The following GTF2IRD1 variants were observed in gnomAD, a reference collection of about 807,000 sequenced individuals.
The protein encoded by GTF2IRD1 is general transcription factor II-I repeat domain-containing protein 1.
A neutral mutation model predicts 113.2 loss-of-function variants in GTF2IRD1; 26 were observed. The observed-to-expected ratio is 0.23, with a 90% CI of 0.17 to 0.32. GTF2IRD1 has a LOEUF of 0.32. Ranked by LOEUF, GTF2IRD1 falls within the 10% of genes least tolerant of loss-of-function variation. The pLI is 1.00. For synonymous variants in GTF2IRD1, 484 were observed against 529.1 expected, an observed-to-expected ratio of 0.91 and a Z score of 1.17; for missense variants, 864 against 1,280.8, an observed-to-expected ratio of 0.67 and a Z score of 4.97.
chr7:74,490,958 G>A lies in GTF2IRD1; in HGVS notation c.-6-17117G>A, dbSNP rs1363141034. ...GGGTACAGCCAGTGAAGGAGCCAGT[G>A]TTAATTTCCTGAAGCTGCTGTAACA... On this transcript the variant is annotated intron_variant, in intron 1 of 26. Coordinates refer to ENST00000424337, the MANE Select transcript of GTF2IRD1 (RefSeq NM_005685.4). Among the ~76,000 whole-genome samples, 10 of 152,096 alleles carry A rather than the reference G, an allele frequency of 6.6e-5. 1 individual carries two copies. The highest frequency in any genetic ancestry group is 1.9e-4 in the African/African-American group (8 of 41,408).
At chr7:74,470,845 C>T (rs1794040922) in intron 1 of GTF2IRD1, among the ~76,000 whole-genome samples, 1 of 152,244 alleles carries the variant, frequency 6.6e-6, no homozygotes. Context: ...GCTCTCTTGC[C>T]CAGGCTGGAG....
chr7:74,528,703 ATGGG>A (rs1216253158), intron 8 of GTF2IRD1, among the ~76,000 whole-genome samples: 1 of 142,540 alleles, frequency 7.0e-6, no homozygotes, highest in African/African-American at 2.6e-5. Context: ...GGAAGGAAAG[ATGGG>A]TGGATGGATG....
intron 22 of GTF2IRD1, among the ~76,000 whole-genome samples, chr7:74,569,929 C>T (rs1300126610): frequency 1.3e-5 from 2 of 152,016 alleles, no homozygotes; most frequent in Non-Finnish European, 2.9e-5. Context: ...CTCTCAGAAG[C>T]GTGGAGCTGG....
intron 6 of GTF2IRD1, among the ~76,000 whole-genome samples, chr7:74,520,894 G>A (rs911131357): frequency 2.1e-5 from 3 of 141,418 alleles, no homozygotes; most frequent in East Asian, 4.2e-4. Context: ...TTATAAGGGG[G>A]AAAAAAGCCC....
At chr7:74,600,161 G>A (rs1026275515) in intron 25 of GTF2IRD1, among the ~76,000 whole-genome samples, 1 of 152,170 alleles carries the variant, frequency 6.6e-6, no homozygotes, top group African/African-American at 2.4e-5. Flanking sequence ...CAGGCACGGT[G>A]GCTCATGCCT....
At chr7:74,557,509 G>A (rs782378068) in intron 19 of GTF2IRD1, 130 bp from the exon 20 acceptor site, 7 of 621,660 alleles carry the variant, frequency 1.1e-5, no homozygotes, top group Non-Finnish European at 2.0e-5. Flanking sequence ...AGGACCTGAG[G>A]GGCCCACTCC....
intron 1 of GTF2IRD1, among the ~76,000 whole-genome samples, chr7:74,493,112 T>TC (rs200855316): frequency 1.3e-4 from 18 of 141,704 alleles, no homozygotes; most frequent in South Asian, 2.2e-4. Flanking sequence ...TTCTTCTTCT[T>TC]TTTTTTTTTT....
chr7:74,489,096 C>T (rs1554336159), intron 1 of GTF2IRD1, among the ~76,000 whole-genome samples: 2 of 148,336 alleles, frequency 1.3e-5, no homozygotes, highest in Admixed American at 6.7e-5. Flanking sequence ...GAGCCAAGAT[C>T]GTGCCACTGC....
chr7:74,561,304 G>A lies in GTF2IRD1; in HGVS notation c.2320+1649G>A, dbSNP rs752118533. Among the ~76,000 whole-genome samples, 87 of 149,000 alleles carry A rather than the reference G, an allele frequency of 5.8e-4. 1 individual carries two copies. Among genetic ancestry groups the A allele is most frequent in the East Asian group, 2.0e-3 (10 of 4,968 alleles). ...GCAGAGGTTGCAGTGAGCCGAGATC[G>A]CGCGACTGCACTCCACCTTGGGCGA... On this transcript the variant is annotated intron_variant, in intron 22 of 26. Transcript: ENST00000424337.
chr7:74,552,345 C>A (rs1554355270), intron 17 of GTF2IRD1, among the ~76,000 whole-genome samples: 3 of 151,904 alleles, frequency 2.0e-5, no homozygotes, highest in African/African-American at 7.3e-5. Context: ...ATGGTGACAC[C>A]CCATTTCTAA....
intron 3 of GTF2IRD1, among the ~76,000 whole-genome samples, chr7:74,514,371 G>C (rs895389976): frequency 2.0e-5 from 3 of 152,114 alleles, no homozygotes; most frequent in African/African-American, 7.2e-5. Context: ...GACTGGGCCG[G>C]GTAGAATGGA....
At chr7:74,564,985 G>T (rs1800206403) in intron 22 of GTF2IRD1, among the ~76,000 whole-genome samples, 1 of 152,006 alleles carries the variant, frequency 6.6e-6, no homozygotes, top group South Asian at 2.1e-4. Context: ...TGGGCCAGGG[G>T]TTTCTGGGGG....
intron 1 of GTF2IRD1, among the ~76,000 whole-genome samples, chr7:74,481,891 G>T (rs112586471): frequency 5.3e-5 from 8 of 152,210 alleles, no homozygotes; most frequent in Non-Finnish European, 8.8e-5. Flanking sequence ...TCACCAAATC[G>T]CTTGGCTGGG....
Position 74,484,906 on chromosome 7 carries a change from G to C in GTF2IRD1, c.-6-23169G>C, listed in dbSNP as rs1794938186. Among the ~76,000 whole-genome samples, 4 of 152,134 alleles carry C rather than the reference G, an allele frequency of 2.6e-5. No homozygotes were observed. The South Asian group carries it at 8.3e-4, about 31-fold the overall frequency. ...AACATGGCTGTACAGATGTGTCTTT[G>C]AGACTATTACTGTTTTATTAACAAC... On this transcript the variant is annotated intron_variant, in intron 1 of 26. Transcript: ENST00000424337.
At chr7:74,485,473 T>G (rs1238944612) in intron 1 of GTF2IRD1, among the ~76,000 whole-genome samples, 1 of 151,904 alleles carries the variant, frequency 6.6e-6, no homozygotes, top group African/African-American at 2.4e-5. Context: ...AAAAATTAGC[T>G]GGGCGTGGTG....
intron 1 of GTF2IRD1, among the ~76,000 whole-genome samples, chr7:74,479,270 A>G (rs1160319156): frequency 9.2e-5 from 14 of 151,942 alleles, no homozygotes; most frequent in Non-Finnish European, 1.2e-4. Context: ...CCTCACCCCA[A>G]TGGCCACGCT....
Position 74,519,781 on chromosome 7 carries a change from A to G in GTF2IRD1, c.916+62A>G, listed in dbSNP as rs2130271751. 4 of 1,242,264 alleles carry G rather than the reference A, an allele frequency of 3.2e-6. No homozygotes were observed. In the South Asian group the frequency reaches 5.8e-5, roughly 18 times the overall value. 77.0% of individuals were successfully genotyped at this position (1,242,264 alleles called of 1,614,324 possible). On this transcript the variant is annotated intron_variant, in intron 6 of 26. Coordinates refer to ENST00000424337, the MANE Select transcript of GTF2IRD1 (RefSeq NM_005685.4). Reference sequence around the variant, plus strand: ...GGGACAGAGGTCACTCATGCAGGGGACAGCCTCCCAGGGCAGGTCAGGATG... The same window carrying G: ...GGGACAGAGGTCACTCATGCAGGGGGCAGCCTCCCAGGGCAGGTCAGGATG...
intron 8 of GTF2IRD1, among the ~76,000 whole-genome samples, chr7:74,525,920 T>C (rs1334932605): frequency 1.3e-5 from 2 of 152,202 alleles, no homozygotes; most frequent in African/African-American, 2.4e-5. Flanking sequence ...GCGTGTGGGC[T>C]GGACCTTCCA....
At chr7:74,602,179 T>C (rs1584004285) in intron 26 of GTF2IRD1, 186 bp from the exon 27 acceptor site, 1 of 540,182 alleles carries the variant, frequency 1.9e-6, no homozygotes. Context: ...GGGGCCAAGG[T>C]TGCAGTGAGC....
Sources: allele counts gnomAD v4.1 joint callset (sites outside exome capture counted in the v4.1 genomes callset), GRCh38; gene constraint gnomAD v4.1.1; transcripts MANE v1.5; gene names NCBI Gene and HGNC (gene_info 2026-07-23, HGNC 2026-07-21).